PIP4K2A: variants seen among roughly 807,000 people sequenced by gnomAD.
PIP4K2A encodes phosphatidylinositol-5-phosphate 4-kinase type 2 alpha.
In PIP4K2A, 14 loss-of-function variants were observed where a neutral mutation model predicts 42.9. The observed-to-expected ratio is 0.33, with a 90% CI of 0.22 to 0.51. The LOEUF is 0.51. Among genes scored for constraint, PIP4K2A ranks in the 20% least tolerant of loss-of-function variants. The pLI, the probability that PIP4K2A is intolerant of heterozygous loss-of-function variation, is 0.97. For missense variants in PIP4K2A, 434 were observed against 519.8 expected (o/e 0.83, Z 1.61); for synonymous variants, 192 against 192.2 (o/e 1.00, Z 0.01).
intron 1 of PIP4K2A, among the ~76,000 whole-genome samples, chr10:22,680,675 G>A (rs1420217870): frequency 6.6e-6 from 1 of 152,176 alleles, no homozygotes; most frequent in African/African-American, 2.4e-5. Context: ...AATGACATGG[G>A]TCAAGAACTC....
chr10:22,591,617 A>G lies in PIP4K2A; in HGVS notation c.492+12T>C, dbSNP rs368710159. On this transcript the variant is annotated intron_variant, in intron 4 of 9. Transcript: ENST00000376573. ...CTTCTTGGAGTTTCAAATAAAGATC[A>G]AGAAAAATTACCTGGTGGTATTTCT... 1 of 1,594,386 alleles carries G rather than the reference A, an allele frequency of 6.3e-7. No homozygotes were observed. The highest frequency in any genetic ancestry group is 8.6e-7 in the Non-Finnish European group (1 of 1,167,822).
chr10:22,679,223 A>T (rs1399189338), intron 1 of PIP4K2A, among the ~76,000 whole-genome samples: 1 of 152,250 alleles, frequency 6.6e-6, no homozygotes, highest in African/African-American at 2.4e-5. Flanking sequence ...ACAATTCAAT[A>T]AAAAGACAAC....
intron 1 of PIP4K2A, among the ~76,000 whole-genome samples, chr10:22,639,707 T>C (rs1838738075): frequency 6.6e-6 from 1 of 152,216 alleles, no homozygotes; most frequent in East Asian, 1.9e-4. Context: ...AAAGTTGCCA[T>C]AGCTTAAAAC....
chr10:22,639,994 T>C (rs1020779671), intron 1 of PIP4K2A, among the ~76,000 whole-genome samples: 8 of 140,196 alleles, frequency 5.7e-5, no homozygotes, highest in Admixed American at 2.9e-4. Flanking sequence ...ATCAATCCAA[T>C]AGATGCATGG....
intron 1 of PIP4K2A, among the ~76,000 whole-genome samples, chr10:22,683,611 A>C (rs1432308834): frequency 6.6e-6 from 1 of 152,082 alleles, no homozygotes; most frequent in African/African-American, 2.4e-5. Flanking sequence ...TTCTTCCATT[A>C]ACTTTCCCCC....
At position 22,551,002 on chromosome 10, in the gene PIP4K2A, TCAGA is replaced by T. The variant is rs1485489123; in HGVS notation, c.679-234_679-231del. On this transcript the variant is annotated intron_variant, in intron 6 of 9. Coordinates refer to ENST00000376573, the MANE Select transcript of PIP4K2A (RefSeq NM_005028.5). ...ATTCGCAAGAGCAGTGGGGTGGGGG[TCAGA>T]CAGACTCCATATCATAAGGCTTTTT... is the stretch of plus-strand genomic sequence containing the variant. 6.6e-5 allele frequency among the ~76,000 whole-genome samples: 10 copies of T among 152,194 alleles called. 2 individuals carry two copies. The highest frequency in any genetic ancestry group is 2.1e-4 in the South Asian group (1 of 4,820).
chr10:22,644,558 C>T (rs1438330819), intron 1 of PIP4K2A, among the ~76,000 whole-genome samples: 1 of 152,196 alleles, frequency 6.6e-6, no homozygotes, highest in Non-Finnish European at 1.5e-5. Flanking sequence ...AGTCTCTCAC[C>T]TCAAGTCTCC....
chr10:22,615,671 T>C (rs1228373418), intron 1 of PIP4K2A, among the ~76,000 whole-genome samples: 1 of 152,248 alleles, frequency 6.6e-6, no homozygotes, highest in African/African-American at 2.4e-5. Flanking sequence ...GCACCAGTTA[T>C]ACTATCACAT....
chr10:22,694,287 C>T (rs1478194558), intron 1 of PIP4K2A: 1 of 152,322 alleles, frequency 6.6e-6, no homozygotes, highest in South Asian at 2.1e-4. Context: ...TTTACCAACA[C>T]TGACAGCCCT....
intron 4 of PIP4K2A, among the ~76,000 whole-genome samples, chr10:22,581,341 T>C (rs1837274574): frequency 1.3e-5 from 2 of 152,198 alleles, no homozygotes. Flanking sequence ...TCAAACTTCA[T>C]AAAAGTGAAC....
rs1316478125 is a variant in PIP4K2A at position 22,698,714 on chromosome 10, G to A, written c.144+15469C>T. On this transcript the variant is annotated intron_variant, in intron 1 of 9. Coordinates refer to ENST00000376573, the MANE Select transcript of PIP4K2A (RefSeq NM_005028.5). ...AATAATTGTTAAGAATACATAGTAA[G>A]ATTAAATACATAGAATAGTCTCAAT... 2.0e-5 allele frequency among the ~76,000 whole-genome samples: 3 copies of A among 152,276 alleles called. No homozygotes were observed. The South Asian group carries it at 6.2e-4, about 32-fold the overall frequency.
intron 3 of PIP4K2A, among the ~76,000 whole-genome samples, chr10:22,595,899 T>C (rs1837623337): frequency 6.6e-6 from 1 of 152,024 alleles, no homozygotes; most frequent in South Asian, 2.1e-4. Context: ...TTGGATCTTT[T>C]ATGACTCTAA....
chr10:22,627,290 C>T (rs889861624), intron 1 of PIP4K2A, among the ~76,000 whole-genome samples: 2 of 152,034 alleles, frequency 1.3e-5, no homozygotes, highest in African/African-American at 4.8e-5. Context: ...TCATTTGAGG[C>T]TAACAGTTTT....
chr10:22,536,567 AGGTTATC>A lies in PIP4K2A; in HGVS notation c.*627_*633del, dbSNP rs1477282209. The A allele has an allele frequency of 6.3e-6, 1 of 158,484 alleles. No individual in the cohort carries two copies. The highest frequency in any genetic ancestry group is 2.4e-5 in the African/African-American group (1 of 41,660). The allele number at this position is 158,484 out of a possible 1,614,324, so 9.8% of individuals were successfully genotyped here. On this transcript the variant is annotated 3_prime_UTR_variant, in exon 10 of 10. Transcript: ENST00000376573. ...TTCTTCCGTCCAGTGCTGGGGGCTCAGGTTATCAGTGTTAGGGAGAGTGTCTGCGTGC... is the reference window on the plus strand; with the variant it reads ...TTCTTCCGTCCAGTGCTGGGGGCTCAAGTGTTAGGGAGAGTGTCTGCGTGC...
chr10:22,663,251 G>A (rs949106507), intron 1 of PIP4K2A, among the ~76,000 whole-genome samples: 4 of 152,166 alleles, frequency 2.6e-5, no homozygotes, highest in Non-Finnish European at 5.9e-5. Context: ...CATAGGAAGA[G>A]GTATCTGATA....
chr10:22,554,633 G>C (rs1031105671), intron 6 of PIP4K2A, among the ~76,000 whole-genome samples: 1 of 152,224 alleles, frequency 6.6e-6, no homozygotes, highest in African/African-American at 2.4e-5. Flanking sequence ...TCCAGCCAGC[G>C]GTCAGCAACC....
intron 1 of PIP4K2A, among the ~76,000 whole-genome samples, chr10:22,621,930 A>T (rs1388816412): frequency 6.6e-6 from 1 of 152,200 alleles, no homozygotes; most frequent in Non-Finnish European, 1.5e-5. Flanking sequence ...CCCAGCATCC[A>T]TCCTGAAAGA....
At chr10:22,687,810 TCATTGTTA>T (rs1166496957) in intron 1 of PIP4K2A, among the ~76,000 whole-genome samples, 1 of 152,204 alleles carries the variant, frequency 6.6e-6, no homozygotes, top group African/African-American at 2.4e-5. Flanking sequence ...TGTATTATTC[TCATTGTTA>T]CATTATTATT....
In PIP4K2A at chr10:22,688,169, T is replaced by C. The variant is rs182045666; in HGVS notation, c.144+26014A>G. ...GAGACGAGTAAAGGGTCCACCAAAG[T>C]GACAATAATCTGAAATATTTTTAAA... On this transcript the variant is annotated intron_variant, in intron 1 of 9. Transcript: ENST00000376573. Among the ~76,000 whole-genome samples the C allele has an allele frequency of 1.8e-3, 271 of 152,178 alleles. 1 individual carries two copies. The highest frequency in any genetic ancestry group is 0.017 in the Middle Eastern group (5 of 294).
Sources: gnomAD v4.1 joint callset for allele counts (sites outside exome capture counted in the v4.1 genomes callset) on GRCh38, gnomAD v4.1.1 for gene constraint, MANE v1.5 for transcripts, NCBI Gene and HGNC (gene_info 2026-07-23, HGNC 2026-07-21) for gene names.